Variants in IGSF10 observed in about 807,000 individuals in gnomAD.
The protein encoded by IGSF10 is calvaria mechanical force protein 608.
IGSF10 carries 126 observed loss-of-function variants against 128.2 expected under a neutral mutation model. The ratio of observed to expected loss-of-function variants is 0.98; its 90% confidence interval spans 0.85 to 1.14. The LOEUF is 1.14. Ranked by LOEUF, IGSF10 falls within the 50% of genes most tolerant of loss-of-function variation. The probability of loss-of-function intolerance (pLI) is 0.00; values close to 1 mark genes in which losing one functional copy is unlikely to be tolerated. For missense variants in IGSF10, 3,295 were observed against 3,149.8 expected, an observed-to-expected ratio of 1.05 and a Z score of -1.10; for synonymous variants, 1,185 against 1,146.2, an observed-to-expected ratio of 1.03 and a Z score of -0.68.
At chr3:151,589,837 C>G in the IGSF10 span, among the ~76,000 whole-genome samples, 1 of 152,042 alleles carries the variant, frequency 6.6e-6, no homozygotes, top group Non-Finnish European at 1.5e-5. Context: ...CTAATTAATC[C>G]AAAGGAAAGG....
At chr3:151,584,202 T>G in the IGSF10 span, among the ~76,000 whole-genome samples, 1 of 152,196 alleles carries the variant, frequency 6.6e-6, no homozygotes, top group Non-Finnish European at 1.5e-5. Flanking sequence ...ATGAAAGAAT[T>G]CTTCTCATCT....
the IGSF10 span, among the ~76,000 whole-genome samples, chr3:151,619,755 T>G: frequency 9.2e-5 from 14 of 152,178 alleles, no homozygotes; most frequent in Non-Finnish European, 2.1e-4. Context: ...GACTCTGCCC[T>G]CATGAATTTA....
chr3:151,438,509 C>G lies in IGSF10; in HGVS notation c.6052G>C (p.Ala2018Pro), dbSNP rs1166593998. Reference sequence around the variant, plus strand: ...AGATCATCCCCCATTTTGTTTCTTGCCACACACAAGTAGACACCACTGTCT... The same window carrying G: ...AGATCATCCCCCATTTTGTTTCTTGGCACACACAAGTAGACACCACTGTCT... ...EKDSGVYLCV[A>P]RNKMGDDLIL... The change falls in exon 8 of 8, where the codon GCA (alanine) becomes CCA (proline). Residue 2018 changes from alanine (A) to proline (P), a missense_variant. Transcript: ENST00000282466. The G allele has an allele frequency of 1.2e-6, 2 of 1,614,018 alleles. No individual in the cohort carries two copies. The highest frequency in any genetic ancestry group is 4.5e-5 in the East Asian group (2 of 44,872).
At chr3:151,557,450 C>G in the IGSF10 span, among the ~76,000 whole-genome samples, 6 of 152,100 alleles carry the variant, frequency 3.9e-5, no homozygotes, top group Non-Finnish European at 8.8e-5. Context: ...AGTTGACTAT[C>G]TTCTGAAAGA....
chr3:151,588,581 C>A, the IGSF10 span, among the ~76,000 whole-genome samples: 2 of 152,114 alleles, frequency 1.3e-5, no homozygotes, highest in Admixed American at 1.3e-4. Flanking sequence ...GTGGTTACAG[C>A]CCAGTTTCTG....
chr3:151,572,700 T>A, the IGSF10 span, among the ~76,000 whole-genome samples: 2 of 152,188 alleles, frequency 1.3e-5, no homozygotes, highest in African/African-American at 4.8e-5. Flanking sequence ...TTGAAGGGTT[T>A]TTTTGTGTCT....
At chr3:151,587,267 ATTT>A in the IGSF10 span, among the ~76,000 whole-genome samples, 9 of 152,102 alleles carry the variant, frequency 5.9e-5, no homozygotes, top group African/African-American at 1.4e-4. Context: ...TCACGTCAGA[ATTT>A]TCTCCTAACA....
the IGSF10 span, among the ~76,000 whole-genome samples, chr3:151,616,586 C>A: frequency 4.6e-5 from 7 of 152,066 alleles, no homozygotes; most frequent in Non-Finnish European, 8.8e-5. Flanking sequence ...AATATCAATG[C>A]AAAAGACTAA....
chr3:151,508,657 C>A, the IGSF10 span, among the ~76,000 whole-genome samples: 1 of 152,088 alleles, frequency 6.6e-6, no homozygotes, highest in Non-Finnish European at 1.5e-5. Context: ...ATTTGAAAAG[C>A]TTTACAAAAT....
chr3:151,538,772 T>A, the IGSF10 span, among the ~76,000 whole-genome samples: 3 of 152,248 alleles, frequency 2.0e-5, no homozygotes, highest in Middle Eastern at 3.4e-3. Flanking sequence ...CACAGAACAA[T>A]GTTGAGTTGA....
At chr3:151,476,268 A>T in the IGSF10 span, 3 of 152,338 alleles carry the variant, frequency 2.0e-5, no homozygotes, top group East Asian at 5.8e-4. Flanking sequence ...TCCCTTGACG[A>T]TTCCTCACTG....
intron 6 of IGSF10, among the ~76,000 whole-genome samples, chr3:151,444,572 A>G (rs1226840183): frequency 6.6e-6 from 1 of 152,142 alleles, no homozygotes; most frequent in Non-Finnish European, 1.5e-5. Context: ...GGCCTCCCCA[A>G]AGTGCTGGGA....
the IGSF10 span, among the ~76,000 whole-genome samples, chr3:151,535,941 C>T: frequency 1.3e-5 from 2 of 152,148 alleles, no homozygotes; most frequent in African/African-American, 4.8e-5. Flanking sequence ...GTACATGGAG[C>T]TCCAGCTGCA....
At chr3:151,588,602 T>C in the IGSF10 span, among the ~76,000 whole-genome samples, 3 of 152,218 alleles carry the variant, frequency 2.0e-5, no homozygotes, top group African/African-American at 7.2e-5. Flanking sequence ...ATACGGTGTA[T>C]ACAATTTATG....
At chr3:151,513,304 G>A in the IGSF10 span, among the ~76,000 whole-genome samples, 1 of 151,354 alleles carries the variant, frequency 6.6e-6, no homozygotes. Context: ...TGCAAGGCTG[G>A]TTCAACATAC....
chr3:151,541,950 A>G, the IGSF10 span, among the ~76,000 whole-genome samples: 1 of 152,184 alleles, frequency 6.6e-6, no homozygotes, highest in East Asian at 1.9e-4. Context: ...TTCTTAACAC[A>G]TTCTTTGGCT....
the IGSF10 span, among the ~76,000 whole-genome samples, chr3:151,491,122 GAGA>G: frequency 1.3e-5 from 2 of 151,924 alleles, no homozygotes; most frequent in Admixed American, 1.3e-4. Flanking sequence ...GAAAAAGAGA[GAGA>G]AGACAAAAAT....
chr3:151,537,809 G>A, the IGSF10 span, among the ~76,000 whole-genome samples: 62 of 152,170 alleles, frequency 4.1e-4, no homozygotes, highest in Non-Finnish European at 8.8e-5. Flanking sequence ...CTAAAAATTG[G>A]AGCAACATTT....
the IGSF10 span, among the ~76,000 whole-genome samples, chr3:151,549,228 G>T: frequency 2.0e-5 from 3 of 152,100 alleles, no homozygotes; most frequent in Non-Finnish European, 4.4e-5. Flanking sequence ...TTTCATTGGG[G>T]GAAGTCCTGG....
Sources: gnomAD v4.1 joint callset for allele counts (sites outside exome capture counted in the v4.1 genomes callset) on GRCh38, gnomAD v4.1.1 for gene constraint, MANE v1.5 for transcripts, NCBI Gene and HGNC (gene_info 2026-07-23, HGNC 2026-07-21) for gene names.